The following SLC7A11 variants were observed in gnomAD, a reference collection of about 807,000 sequenced individuals.
SLC7A11 encodes cystine/glutamate transporter.
SLC7A11 carries 35 observed loss-of-function variants against 54.5 expected under a neutral mutation model. That is an observed-to-expected ratio of 0.64 (90% CI 0.49 to 0.85). The LOEUF (loss-of-function observed/expected upper bound fraction) is 0.85, where lower values mean the gene tolerates loss of function less well. SLC7A11 is among the 40% of genes least tolerant of loss of function. The pLI, the probability that SLC7A11 is intolerant of heterozygous loss-of-function variation, is 0.00. For missense variants in SLC7A11, 583 were observed against 618.1 expected (o/e 0.94, Z 0.60); for synonymous variants, 230 against 225.2 (o/e 1.02, Z -0.19).
intron 1 of SLC7A11, among the ~76,000 whole-genome samples, 167 bp from the exon 2 acceptor site, chr4:138,236,618 C>G (rs1466659783): frequency 2.6e-5 from 4 of 152,084 alleles, no homozygotes; most frequent in African/African-American, 9.7e-5. Context: ...TTGCTAAGAC[C>G]CGCCAAGTTC....
At chr4:138,186,378 ACC>A (rs1180232731) in intron 6 of SLC7A11, among the ~76,000 whole-genome samples, 1 of 152,082 alleles carries the variant, frequency 6.6e-6, no homozygotes, top group African/African-American at 2.4e-5. Context: ...CTGCCTCACT[ACC>A]CAAGCTGGGT....
intron 6 of SLC7A11, among the ~76,000 whole-genome samples, chr4:138,199,786 T>C (rs1290518413): frequency 2.6e-5 from 4 of 152,108 alleles, no homozygotes; most frequent in Non-Finnish European, 4.4e-5. Flanking sequence ...ATTTCTCCCT[T>C]GCTGCAGTTC....
chr4:138,198,772 C>G (rs4605709), intron 6 of SLC7A11, among the ~76,000 whole-genome samples: 62,055 of 151,952 alleles, frequency 0.41, 13,589 homozygotes, highest in Middle Eastern at 0.6. Flanking sequence ...CAACCTAATA[C>G]ATTAAGAAAC....
chr4:138,188,512 C>G (rs548121101), intron 6 of SLC7A11, among the ~76,000 whole-genome samples: 2 of 152,222 alleles, frequency 1.3e-5, no homozygotes, highest in Non-Finnish European at 2.9e-5. Context: ...CCATTATTGA[C>G]AGAGGAGAGC....
intron 6 of SLC7A11, among the ~76,000 whole-genome samples, chr4:138,209,044 T>C (rs1737478887): frequency 6.6e-6 from 1 of 152,016 alleles, no homozygotes; most frequent in Non-Finnish European, 1.5e-5. Flanking sequence ...GGAGTAATGG[T>C]AGATAATTTG....
chr4:138,207,731 C>T (rs371262308), intron 6 of SLC7A11, among the ~76,000 whole-genome samples: 11 of 152,000 alleles, frequency 7.2e-5, no homozygotes, highest in Non-Finnish European at 1.6e-4. Flanking sequence ...AGAAAGAAAG[C>T]AAGCCGCATT....
chr4:138,213,608 C>T (rs943636909), intron 6 of SLC7A11, among the ~76,000 whole-genome samples: 1 of 151,350 alleles, frequency 6.6e-6, no homozygotes, highest in Admixed American at 6.6e-5. Context: ...TAAGGAACAC[C>T]TACTCATCAT....
At chr4:138,173,762 CT>C (rs1400676514) in intron 11 of SLC7A11, among the ~76,000 whole-genome samples, 1 of 151,978 alleles carries the variant, frequency 6.6e-6, no homozygotes, top group Non-Finnish European at 1.5e-5. Flanking sequence ...AAATTATAAA[CT>C]CTGAGTGTTT....
chr4:138,188,132 C>G (rs1736921055), intron 6 of SLC7A11, among the ~76,000 whole-genome samples: 1 of 152,108 alleles, frequency 6.6e-6, no homozygotes, highest in Admixed American at 6.6e-5. Context: ...GGCACAATCT[C>G]AGCTCACTGC....
At chr4:138,172,315 A>G (rs1404478656) in intron 11 of SLC7A11, among the ~76,000 whole-genome samples, 2 of 152,228 alleles carry the variant, frequency 1.3e-5, no homozygotes, top group Non-Finnish European at 2.9e-5. Flanking sequence ...GGACCAATAT[A>G]TAAATAAATG....
At position 138,185,193 on chromosome 4, in the gene SLC7A11, A is replaced by G; in HGVS notation, c.843T>C (p.Tyr281=). Residue 281 remains tyrosine (Y), a synonymous_variant, in exon 7 of 12, where the codon TAT becomes TAC. Transcript: ENST00000280612. Reference sequence around the variant, plus strand: ...TAAAGTAGGCCACATTTGTCAGCACATAGCCAATGGTGACAATGGCCATGG... The same window carrying G: ...TAAAGTAGGCCACATTTGTCAGCACGTAGCCAATGGTGACAATGGCCATGG... The part of the protein sequence containing the change: ...CISMAIVTIG[Y]VLTNVAYFTT... 1.2e-6 allele frequency: 2 copies of G among 1,612,846 alleles called. No individual in the cohort carries two copies. The highest frequency in any genetic ancestry group is 1.7e-4 in the Middle Eastern group (1 of 6,052).
At chr4:138,197,941 G>A (rs1157898020) in intron 6 of SLC7A11, among the ~76,000 whole-genome samples, 1 of 149,996 alleles carries the variant, frequency 6.7e-6, no homozygotes, top group East Asian at 1.9e-4. Context: ...TATATTGTAA[G>A]TATCATAAAT....
In SLC7A11 at chr4:138,232,339, T is replaced by C. The variant is rs149230402; in HGVS notation, c.448A>G (p.Ile150Val). The change falls in exon 3 of 12, where the codon ATT becomes GTT. Residue 150 changes from isoleucine (I) to valine (V), a missense_variant. Coordinates refer to ENST00000280612, the MANE Select transcript of SLC7A11 (RefSeq NM_014331.4). ...CATTGAATAAAAAATGGTTCCAGAA[T>C]GTAGCGTCCAAATGCCAGGGATATC... ...AVISLAFGRY[I>V]LEPFFIQCEI... 3 of 1,613,736 alleles carry C rather than the reference T, an allele frequency of 1.9e-6. No homozygotes were observed. The highest frequency in any genetic ancestry group is 1.3e-5 in the African/African-American group (1 of 74,984).
Position 138,171,954 on chromosome 4 carries a change from G to T in SLC7A11, c.*2C>A. 1 of 1,594,542 alleles carries T rather than the reference G, an allele frequency of 6.3e-7. No homozygotes were observed. Among genetic ancestry groups the T allele is most frequent in the Non-Finnish European group, 8.5e-7 (1 of 1,173,622 alleles). On this transcript the variant is annotated 3_prime_UTR_variant, in exon 12 of 12. Transcript: ENST00000280612. ...GATTGCCAAGATCTCAAGTCCATTA[G>T]TTCATAACTTATCTTCTTCTGGTAC...
intron 4 of SLC7A11, among the ~76,000 whole-genome samples, chr4:138,221,184 A>G (rs1185480901): frequency 2.0e-5 from 3 of 152,200 alleles, no homozygotes; most frequent in Non-Finnish European, 2.9e-5. Context: ...TCACAAGCAA[A>G]GATCTTCAAA....
At position 138,219,375 on chromosome 4, in the gene SLC7A11, G is replaced by A. The variant is rs775041306; in HGVS notation, c.647-10C>T. ...AAGTTCTGCGTTTGACCTGTAATTA[G>A]AATAGACTGATTTTAGGATTTTTCA... On this transcript the variant is annotated splice_polypyrimidine_tract_variant and intron_variant, in intron 4 of 11. Transcript: ENST00000280612. 2 of 1,479,282 alleles carry A rather than the reference G, an allele frequency of 1.4e-6. No homozygotes were observed. The highest frequency in any genetic ancestry group is 1.4e-5 in the African/African-American group (1 of 72,498). The allele number at this position is 1,479,282 out of a possible 1,614,324, so 91.6% of individuals were successfully genotyped here.
rs1736212108 is a variant in SLC7A11, at chr4:138,164,726, G to A, written c.*7230C>T. 1 of 152,108 alleles carries A rather than the reference G, an allele frequency of 6.6e-6. No homozygotes were observed. Among genetic ancestry groups the A allele is most frequent in the South Asian group, 2.1e-4 (1 of 4,828 alleles). 9.4% of individuals were successfully genotyped at this position (152,108 alleles called of 1,614,324 possible). A position where few individuals can be genotyped will look rare whatever the true frequency, so the allele number is the denominator to read the frequency against. The stretch of plus-strand genomic sequence containing the variant: ...GTGCCAGAGTGAAGAAACTCTGCTT[G>A]AGTTGAGGACCAGTTAGTTAGGATA... On this transcript the variant is annotated 3_prime_UTR_variant, in exon 12 of 12. Coordinates refer to ENST00000280612, the MANE Select transcript of SLC7A11 (RefSeq NM_014331.4).
At chr4:138,213,728 C>A (rs1207675388) in intron 6 of SLC7A11, among the ~76,000 whole-genome samples, 1 of 152,064 alleles carries the variant, frequency 6.6e-6, no homozygotes, top group Non-Finnish European at 1.5e-5. Flanking sequence ...ACTGTTACAT[C>A]TATTTGTTTA....
intron 3 of SLC7A11, among the ~76,000 whole-genome samples, chr4:138,226,636 A>G (rs1737956196): frequency 6.6e-6 from 1 of 152,118 alleles, no homozygotes. Context: ...TTACAGTGAA[A>G]TTTATGTCTA....
Sources: allele counts gnomAD v4.1 joint callset (sites outside exome capture counted in the v4.1 genomes callset), GRCh38; gene constraint gnomAD v4.1.1; transcripts MANE v1.5; gene names NCBI Gene and HGNC (gene_info 2026-07-23, HGNC 2026-07-21).